SPIRE2: variants seen among roughly 807,000 people sequenced by gnomAD.
SPIRE2 encodes spire type actin nucleation factor 2.
SPIRE2 carries 76 observed loss-of-function variants against 80.7 expected under a neutral mutation model. That is an observed-to-expected ratio of 0.94 (90% CI 0.78 to 1.14). The LOEUF (loss-of-function observed/expected upper bound fraction) is 1.14, where lower values mean the gene tolerates loss of function less well. Among genes scored for constraint, SPIRE2 ranks in the 50% most tolerant of loss-of-function variants. SPIRE2 has a pLI of 0.00. For synonymous variants in SPIRE2, 535 were observed against 432.6 expected, an observed-to-expected ratio of 1.24 and a Z score of -2.94; for missense variants, 1,196 against 1,015.3, an observed-to-expected ratio of 1.18 and a Z score of -2.42.
chr16:89,846,104 A>T (rs750780974), intron 2 of SPIRE2: 4 of 160,768 alleles, frequency 2.5e-5, no homozygotes, highest in Admixed American at 2.4e-4. Flanking sequence ...TCACCGTGTT[A>T]GCCAGGATGG....
rs1361529043 is a variant in SPIRE2, at chr16:89,871,236, T to C, written c.*964T>C. On this transcript the variant is annotated 3_prime_UTR_variant, in exon 15 of 15. Coordinates refer to ENST00000378247, the MANE Select transcript of SPIRE2 (RefSeq NM_032451.2). ...CTGGCCCAGAGGCTCCTGAAGATGC[T>C]GGGCGGTCCTGGCACAGGGAGGAGC... 6.6e-6 allele frequency: 1 copy of C among 152,414 alleles called. No homozygotes were observed. Among genetic ancestry groups the C allele is most frequent in the Non-Finnish European group, 1.5e-5 (1 of 68,198 alleles). 9.4% of individuals were successfully genotyped at this position (152,414 alleles called of 1,614,324 possible).
chr16:89,862,025 CA>C (rs1370185702), intron 10 of SPIRE2: 1 of 140,836 alleles, frequency 7.1e-6, no homozygotes, highest in Non-Finnish European at 1.5e-5. Context: ...TTTTTTGAGA[CA>C]AGAGTCTGGC....
At chr16:89,831,231 C>T (rs2041378069) in intron 1 of SPIRE2, among the ~76,000 whole-genome samples, 1 of 150,480 alleles carries the variant, frequency 6.6e-6, no homozygotes, top group Non-Finnish European at 1.5e-5. Context: ...AAATACATCT[C>T]AGACGTGGTG....
intron 2 of SPIRE2, among the ~76,000 whole-genome samples, chr16:89,847,704 C>T (rs2041576300): frequency 6.6e-6 from 1 of 152,218 alleles, no homozygotes; most frequent in Admixed American, 6.5e-5. Context: ...CACCTGCTGC[C>T]CCAGGCCTGC....
intron 1 of SPIRE2, among the ~76,000 whole-genome samples, chr16:89,832,506 C>T (rs763572291): frequency 8.5e-5 from 13 of 152,110 alleles, no homozygotes; most frequent in Non-Finnish European, 1.9e-4. Flanking sequence ...CTCTGGAAGC[C>T]AGGACACTTC....
At chr16:89,869,054 A>AACAAACATATATATC (rs1491145682) in intron 13 of SPIRE2, among the ~76,000 whole-genome samples, 1 of 48,470 alleles carries the variant, frequency 2.1e-5, no homozygotes, top group African/African-American at 1.0e-4. Context: ...AAAAAAAAAA[A>AACAAACATATATATC]TATATATATA....
intron 13 of SPIRE2, among the ~76,000 whole-genome samples, chr16:89,868,624 G>A (rs1182751819): frequency 3.3e-5 from 5 of 152,118 alleles, no homozygotes; most frequent in African/African-American, 1.2e-4. Context: ...AGCATTTTGG[G>A]AGGCCAGTGA....
intron 2 of SPIRE2, chr16:89,845,848 A>G: frequency 5.7e-6 from 3 of 528,578 alleles, no homozygotes; most frequent in South Asian, 2.8e-5. Context: ...TCCACTTTCT[A>G]CTGCCTTTTT....
In SPIRE2 at chr16:89,863,477, A is replaced by T; in HGVS notation, c.1577A>T (p.Glu526Val). The change falls in exon 11 of 15, where the codon GAG becomes GTG. Residue 526 changes from glutamate to valine, a missense_variant and splice_region_variant. Physicochemically the swap from Glu to Val is moderately radical, Grantham distance 121 (BLOSUM62 -2). Coordinates refer to ENST00000378247, the MANE Select transcript of SPIRE2 (RefSeq NM_032451.2). This position sits in a 1 kb window ranked among gnomAD's most constrained non-coding sequence, Gnocchi z 4.3. ...MTPDAKHLWL[E>V]FSHPVESLAL... ...TTCCTACCTGAGGCCGTCCCCTAGG[A>T]GTTCAGCCACCCCGTGGAGAGCCTG... is the stretch of plus-strand genomic sequence containing the variant. 6.2e-7 allele frequency: 1 copy of T among 1,613,958 alleles called. No individual in the cohort carries two copies. Among genetic ancestry groups the T allele is most frequent in the Non-Finnish European group, 8.5e-7 (1 of 1,180,012 alleles).
In SPIRE2 at chr16:89,860,795, G is replaced by A; in HGVS notation, c.1575G>A (p.Leu525=). 6.8e-7 allele frequency: 1 copy of A among 1,480,938 alleles called. No individual in the cohort carries two copies. 91.7% of individuals were successfully genotyped at this position (1,480,938 alleles called of 1,614,324 possible). The part of the protein sequence containing the change: ...SMTPDAKHLW[L]EFSHPVESLA... The stretch of plus-strand genomic sequence containing the variant: ...CCCCCGATGCCAAACACCTGTGGCT[G>A]GTGAGTGAGGGTGCGATTGTCGTCC... Residue 525 remains leucine (L), a splice_region_variant and synonymous_variant, in exon 10 of 15, where the codon CTG becomes CTA. Coordinates refer to ENST00000378247, the MANE Select transcript of SPIRE2 (RefSeq NM_032451.2).
intron 1 of SPIRE2, among the ~76,000 whole-genome samples, chr16:89,835,205 C>G (rs2041435858): frequency 2.1e-5 from 3 of 144,162 alleles, no homozygotes; most frequent in Admixed American, 6.7e-5. Flanking sequence ...TGTGAACCTG[C>G]CTGCGCTCGC....
chr16:89,842,758 C>T (rs371550728), intron 1 of SPIRE2, among the ~76,000 whole-genome samples: 6 of 152,192 alleles, frequency 3.9e-5, no homozygotes, highest in African/African-American at 9.7e-5. Flanking sequence ...CCCATGGCCT[C>T]GGCCCAATCA....
chr16:89,840,528 A>C (rs113892241), intron 1 of SPIRE2, among the ~76,000 whole-genome samples: 1 of 150,150 alleles, frequency 6.7e-6, no homozygotes, highest in Non-Finnish European at 1.5e-5. Context: ...GATTACAGGC[A>C]TGAGCCACCA....
At chr16:89,835,168 C>T (rs112705878) in intron 1 of SPIRE2, among the ~76,000 whole-genome samples, 2 of 143,462 alleles carry the variant, frequency 1.4e-5, no homozygotes, top group South Asian at 2.3e-4. Context: ...GTCGTAGAAG[C>T]GTGGATAAGC....
rs2041766379 is a variant in SPIRE2, at chr16:89,863,879, C to T, written c.1778+18C>T. On this transcript the variant is annotated intron_variant, in intron 12 of 14. Coordinates refer to ENST00000378247, the MANE Select transcript of SPIRE2 (RefSeq NM_032451.2). The surrounding 1 kb of genome is among the most constrained non-coding windows in gnomAD (Gnocchi z 4.3). The stretch of plus-strand genomic sequence containing the variant: ...TGCAAGAGGTGAGCCTTCCCTTTAG[C>T]TGTCAGTTCACAAGGGAAGGAGGAG... 6.2e-7 allele frequency: 1 copy of T among 1,605,644 alleles called. No individual in the cohort carries two copies. Among genetic ancestry groups the T allele is most frequent in the African/African-American group, 1.3e-5 (1 of 74,816 alleles).
rs774824756 is a variant in SPIRE2, at chr16:89,863,067, G to C, written c.1576-409G>C. 5.4e-5 allele frequency: 11 copies of C among 203,606 alleles called. No individual in the cohort carries two copies. The highest frequency in any genetic ancestry group is 1.0e-4 in the Non-Finnish European group (10 of 98,454). 12.6% of individuals were successfully genotyped at this position (203,606 alleles called of 1,614,324 possible). A position where few individuals can be genotyped will look rare whatever the true frequency, so the allele number is the denominator to read the frequency against. The stretch of plus-strand genomic sequence containing the variant: ...GAGCGCAGATGGGCAGATGCAAGCT[G>C]AGGTGGCCTGTTGGAGGGTCCTGGA... On this transcript the variant is annotated intron_variant, in intron 10 of 14. Coordinates refer to ENST00000378247, the MANE Select transcript of SPIRE2 (RefSeq NM_032451.2). This position sits in a 1 kb window ranked among gnomAD's most constrained non-coding sequence, Gnocchi z 4.3.
Position 89,855,528 on chromosome 16 carries a change from C to T in SPIRE2, c.892-72C>T, listed in dbSNP as rs1043735762. ...AAGACCAGGCTGTCCTTGGGCTGAG[C>T]AGGCCTCTCCCAGTCGCCCTGCACT... On this transcript the variant is annotated intron_variant, in intron 5 of 14. Transcript: ENST00000378247. The T allele has an allele frequency of 6.5e-6, 9 of 1,375,778 alleles. No homozygotes were observed. The African/African-American group carries it at 8.5e-5, about 13-fold the overall frequency. 85.2% of individuals were successfully genotyped at this position (1,375,778 alleles called of 1,614,324 possible).
Position 89,854,479 on chromosome 16 carries a change from G to C in SPIRE2, c.727-8G>C, listed in dbSNP as rs770274744. On this transcript the variant is annotated splice_polypyrimidine_tract_variant and splice_region_variant and intron_variant, in intron 4 of 14. Transcript: ENST00000378247. Reference sequence around the variant, plus strand: ...GGCTGAGACCCATTCTCTTCCCCTGGGGCCCAGGCCCGACTGTGGGTTCAG... The same window carrying C: ...GGCTGAGACCCATTCTCTTCCCCTGCGGCCCAGGCCCGACTGTGGGTTCAG... The C allele has an allele frequency of 6.2e-7, 1 of 1,611,662 alleles. No homozygotes were observed. The highest frequency in any genetic ancestry group is 8.5e-7 in the Non-Finnish European group (1 of 1,179,190).
intron 1 of SPIRE2, chr16:89,836,094 G>A (rs1415474809): frequency 2.4e-6 from 1 of 418,798 alleles, no homozygotes; most frequent in Non-Finnish European, 4.9e-6. Flanking sequence ...AGAATCGCTT[G>A]AATCTGGGAG....
Sources: allele counts gnomAD v4.1 joint callset (sites outside exome capture counted in the v4.1 genomes callset), GRCh38; gene constraint gnomAD v4.1.1; non-coding constraint Gnocchi (gnomAD v3.1); transcripts MANE v1.5; gene names NCBI Gene and HGNC (gene_info 2026-07-23, HGNC 2026-07-21).